Variants in TBC1D9 observed in about 807,000 individuals in gnomAD.
TBC1D9 encodes TBC1 domain family member 9A.
Under a neutral mutation model 132.0 loss-of-function variants are expected in TBC1D9, and 63 were observed. That is an observed-to-expected ratio of 0.48 (90% confidence interval 0.39 to 0.59). The LOEUF is 0.59. Among genes scored for constraint, TBC1D9 ranks in the 20% least tolerant of loss-of-function variants. The pLI, the probability that TBC1D9 is intolerant of heterozygous loss-of-function variation, is 0.00. For missense variants in TBC1D9, 1,261 were observed against 1,592.7 expected (o/e 0.79, Z 3.54); for synonymous variants, 610 against 609.9 (o/e 1.00, Z 0.00).
intron 2 of TBC1D9, among the ~76,000 whole-genome samples, chr4:140,696,964 A>G (rs987053959): frequency 6.6e-6 from 1 of 152,224 alleles, no homozygotes; most frequent in Non-Finnish European, 1.5e-5. Context: ...CATTAAATTT[A>G]CAAACAATAA....
chr4:140,651,791 T>A (rs1329482243), intron 13 of TBC1D9, among the ~76,000 whole-genome samples: 1 of 152,136 alleles, frequency 6.6e-6, no homozygotes, highest in Non-Finnish European at 1.5e-5. Context: ...CAGAAAAATG[T>A]TGATAATTGT....
At position 140,678,987 on chromosome 4, in the gene TBC1D9, G is replaced by C. The variant is rs1737665451; in HGVS notation, c.806C>G (p.Pro269Arg). The C allele has an allele frequency of 6.2e-7, 1 of 1,613,720 alleles. No individual in the cohort carries two copies. ...NEGFEQDRSLPKLKRKSPKKV... is the reference protein window; with the variant it reads ...NEGFEQDRSLRKLKRKSPKKV... The stretch of plus-strand genomic sequence containing the variant: ...TTTAGGAGATTTCCTTTTGAGTTTG[G>C]GCAGGGATCGATCTTGTTCAAATCC... Residue 269 changes from proline (P) to arginine (R), a missense_variant, in exon 5 of 21, where the codon CCC becomes CGC. Around this residue, in one of 3 missense-constraint regions of TBC1D9, gnomAD observed 550 missense variants for 699.0 expected, o/e 0.79. Coordinates refer to ENST00000442267, the MANE Select transcript of TBC1D9 (RefSeq NM_015130.3).
intron 3 of TBC1D9, among the ~76,000 whole-genome samples, 189 bp from the exon 4 acceptor site, chr4:140,680,032 T>C (rs1055405653): frequency 2.0e-5 from 3 of 152,190 alleles, no homozygotes; most frequent in Admixed American, 1.3e-4. Context: ...TCACATAATA[T>C]AGATTTTATT....
chr4:140,669,148 T>C, intron 8 of TBC1D9, 81 bp from the exon 9 acceptor site: 1 of 1,393,028 alleles, frequency 7.2e-7, no homozygotes, highest in Non-Finnish European at 1.0e-6. Context: ...TCAGAACATG[T>C]TCCCTGCTGA....
Position 140,622,126 on chromosome 4 carries a change from C to A in TBC1D9, c.*69G>T. On this transcript the variant is annotated 3_prime_UTR_variant, in exon 21 of 21. Transcript: ENST00000442267. Reference sequence around the variant, plus strand: ...TAATTTAAAAGAAAGAAAGAAAAAACTCAACACAGAAGAACATAAAAAATC... The same window carrying A: ...TAATTTAAAAGAAAGAAAGAAAAAAATCAACACAGAAGAACATAAAAAATC... 6.7e-7 allele frequency: 1 copy of A among 1,486,500 alleles called. No homozygotes were observed. Among genetic ancestry groups the A allele is most frequent in the Non-Finnish European group, 8.9e-7 (1 of 1,117,396 alleles). The allele number at this position is 1,486,500 out of a possible 1,614,324, so 92.1% of individuals were successfully genotyped here.
chr4:140,629,881 G>A (rs756577581), intron 16 of TBC1D9, among the ~76,000 whole-genome samples: 7 of 152,306 alleles, frequency 4.6e-5, no homozygotes, highest in Middle Eastern at 3.4e-3. Context: ...CCCACTCTGT[G>A]TTAAGCCCTG....
At chr4:140,645,142 C>A in intron 13 of TBC1D9, 2 of 560,242 alleles carry the variant, frequency 3.6e-6, no homozygotes, top group Non-Finnish European at 6.8e-6. Context: ...TGCACGTGGG[C>A]CAGGTCAGCC....
chr4:140,647,425 G>T lies in TBC1D9; in HGVS notation c.2338-7997C>A, dbSNP rs113121481. ...TGGGTTGAAAAGAACATAAATTTTG[G>T]AGCTAGACAAAATTTGATTCAAATT... is the stretch of plus-strand genomic sequence containing the variant. On this transcript the variant is annotated intron_variant, in intron 13 of 20. Coordinates refer to ENST00000442267, the MANE Select transcript of TBC1D9 (RefSeq NM_015130.3). 5.3e-5 allele frequency among the ~76,000 whole-genome samples: 8 copies of T among 152,196 alleles called. 1 individual carries two copies. Among genetic ancestry groups the T allele is most frequent in the African/African-American group, 1.9e-4 (8 of 41,520 alleles).
chr4:140,649,235 C>T (rs982118550), intron 13 of TBC1D9, among the ~76,000 whole-genome samples: 2 of 152,224 alleles, frequency 1.3e-5, no homozygotes, highest in African/African-American at 2.4e-5. Flanking sequence ...CTGCCCACCA[C>T]AGGGGAATTT....
At chr4:140,664,878 G>A (rs1488632538) in intron 9 of TBC1D9, among the ~76,000 whole-genome samples, 1 of 152,178 alleles carries the variant, frequency 6.6e-6, no homozygotes, top group Non-Finnish European at 1.5e-5. Context: ...ACAGGCCAAG[G>A]TGGGTGTATC....
chr4:140,732,906 A>C (rs1399744521), intron 1 of TBC1D9, among the ~76,000 whole-genome samples: 2 of 152,242 alleles, frequency 1.3e-5, no homozygotes, highest in African/African-American at 2.4e-5. Flanking sequence ...CATCATGGTG[A>C]CACTGTACAA....
chr4:140,753,152 C>T (rs1234848158), intron 1 of TBC1D9, among the ~76,000 whole-genome samples: 1 of 152,202 alleles, frequency 6.6e-6, no homozygotes, highest in African/African-American at 2.4e-5. Flanking sequence ...CATCATGTTC[C>T]TCTTCTTATG....
chr4:140,687,747 C>A (rs1737810940), intron 2 of TBC1D9, among the ~76,000 whole-genome samples: 1 of 152,032 alleles, frequency 6.6e-6, no homozygotes, highest in Non-Finnish European at 1.5e-5. Flanking sequence ...TACTTTGAGA[C>A]TAAACATCAA....
chr4:140,645,043 CCA>C (rs1435213433), intron 13 of TBC1D9: 1 of 484,282 alleles, frequency 2.1e-6, no homozygotes, highest in Admixed American at 2.5e-5. Context: ...GTTGCGGGGT[CCA>C]CAGACCAGCA....
intron 13 of TBC1D9, among the ~76,000 whole-genome samples, chr4:140,646,711 G>A (rs1471933170): frequency 6.6e-6 from 1 of 152,174 alleles, no homozygotes; most frequent in Non-Finnish European, 1.5e-5. Flanking sequence ...GATAATCAGA[G>A]CAAAAGAGTA....
chr4:140,625,247 A>G (rs994664210), intron 18 of TBC1D9, among the ~76,000 whole-genome samples: 2 of 152,184 alleles, frequency 1.3e-5, no homozygotes, highest in Admixed American at 1.3e-4. Context: ...ATTAAAATCT[A>G]TGTTGGCAGA....
Position 140,676,987 on chromosome 4 carries a change from C to CA in TBC1D9, c.965dup (p.Met322IlefsTer25), listed in dbSNP as rs772659776. ...ACACAAACATCTGCCCCAAAATGTG[C>CA]ATTTTGTTAAATGGAGTCCAGAGAG... On this transcript the variant is annotated frameshift_variant, in exon 6 of 21. Transcript: ENST00000442267. LOFTEE classifies it high-confidence loss of function. The CA allele has an allele frequency of 6.2e-7, 1 of 1,613,958 alleles. No homozygotes were observed. Among genetic ancestry groups the CA allele is most frequent in the Non-Finnish European group, 8.5e-7 (1 of 1,179,890 alleles).
At chr4:140,730,238 C>T (rs967042630) in intron 1 of TBC1D9, among the ~76,000 whole-genome samples, 7 of 152,204 alleles carry the variant, frequency 4.6e-5, no homozygotes, top group African/African-American at 1.7e-4. Context: ...CATCAGGCCA[C>T]TGTAACATTA....
chr4:140,730,814 A>G (rs1232436835), intron 1 of TBC1D9, among the ~76,000 whole-genome samples: 1 of 152,208 alleles, frequency 6.6e-6, no homozygotes, highest in Non-Finnish European at 1.5e-5. Flanking sequence ...AACGGTATGG[A>G]GCTGAGGCCC....
Sources: gnomAD v4.1 joint callset for allele counts (sites outside exome capture counted in the v4.1 genomes callset) on GRCh38, gnomAD v4.1.1 for gene constraint, gnomAD v4.1.1 regional missense constraint, MANE v1.5 for transcripts, NCBI Gene and HGNC (gene_info 2026-07-23, HGNC 2026-07-21) for gene names.